IL17REL: variants seen among roughly 807,000 people sequenced by gnomAD.
The protein encoded by IL17REL is interleukin 17 receptor E like, also known as interleukin-17 receptor E-like protein.
In IL17REL, 36 loss-of-function variants were observed where a neutral mutation model predicts 49.0. That is an observed-to-expected ratio of 0.73 (90% CI 0.56 to 0.97). The LOEUF (loss-of-function observed/expected upper bound fraction) is 0.97. Ranked by LOEUF, IL17REL falls within the 50% of genes least tolerant of loss-of-function variation. The probability of loss-of-function intolerance (pLI) is 0.00; values close to 1 mark genes in which losing one functional copy is unlikely to be tolerated. For missense variants in IL17REL, 470 were observed against 453.9 expected, an observed-to-expected ratio of 1.04 and a Z score of -0.32; for synonymous variants, 206 against 192.4, an observed-to-expected ratio of 1.07 and a Z score of -0.58.
chr22:49,993,782 T>C (rs1386251720), downstream of IL17REL, among the ~76,000 whole-genome samples: 6 of 152,218 alleles, frequency 3.9e-5, no homozygotes, highest in Admixed American at 1.3e-4. This position sits in a 1 kb window ranked among gnomAD's most constrained non-coding sequence, Gnocchi z 6.0. Context: ...CAGCCCCACC[T>C]CCACGGTGGC....
intron 3 of IL17REL, 22 bp downstream of exon 4, chr22:50,000,732 C>T (rs2061073427): frequency 6.4e-7 from 1 of 1,564,018 alleles, no homozygotes; most frequent in Non-Finnish European, 8.7e-7. Context: ...ACTTGGGTGG[C>T]AGAGCCCTGC....
At chr22:50,004,378 A>C (rs2061096729) in intron 1 of IL17REL, among the ~76,000 whole-genome samples, 1 of 152,214 alleles carries the variant, frequency 6.6e-6, no homozygotes, top group South Asian at 2.1e-4. Flanking sequence ...AATAACTAGA[A>C]ATTGAAAATT....
chr22:49,994,591 A>G (rs60332599), exon 13 of IL17REL: 19,428 of 152,330 alleles, frequency 0.13, 1,644 homozygotes, highest in East Asian at 0.31. Flanking sequence ...TCTCCAGTCT[A>G]TGGGACATAG....
exon 12 of IL17REL, chr22:49,997,010 G>A: frequency 6.5e-7 from 1 of 1,535,696 alleles, no homozygotes; most frequent in South Asian, 1.2e-5. Context: ...GCAGATGCCT[G>A]GGGCACAGGC....
chr22:49,997,263 G>T, intron 11 of IL17REL, 57 bp downstream of exon 13: 1 of 1,541,082 alleles, frequency 6.5e-7, no homozygotes, highest in Non-Finnish European at 8.9e-7. Context: ...GAAGTGATGG[G>T]GTCCTGCCGC....
chr22:50,009,650 TG>T (rs2061128051), upstream of IL17REL, among the ~76,000 whole-genome samples: 1 of 17,082 alleles, frequency 5.9e-5, no homozygotes, highest in Admixed American at 5.7e-4. Flanking sequence ...GGGGTGGGGG[TG>T]GGGGTGGGGG....
chr22:50,001,897 T>G (rs1190485768), intron 1 of IL17REL, among the ~76,000 whole-genome samples: 1 of 152,154 alleles, frequency 6.6e-6, no homozygotes, highest in African/African-American at 2.4e-5. Context: ...ACCCTCTTTA[T>G]AGAAGGCATG....
At chr22:50,001,406 C>A (rs972894133) in intron 1 of IL17REL, among the ~76,000 whole-genome samples, 175 bp from the exon 3 acceptor site, 6 of 152,196 alleles carry the variant, frequency 3.9e-5, no homozygotes, top group Non-Finnish European at 8.8e-5. Flanking sequence ...TGAGCCCCCA[C>A]CCCGAGACAC....
At chr22:49,997,857 T>C (rs1040728318) in intron 9 of IL17REL, 115 bp from the exon 12 acceptor site, 22 of 1,374,234 alleles carry the variant, frequency 1.6e-5, no homozygotes, top group Non-Finnish European at 2.3e-5. Flanking sequence ...GGCCCAGTTC[T>C]CCTCCTTAGG....
intron 10 of IL17REL, chr22:49,997,447 C>T (rs374873423): frequency 1.9e-6 from 3 of 1,601,194 alleles, no homozygotes; most frequent in African/African-American, 2.7e-5. Context: ...CCGGAGGTGG[C>T]CCTTTGTGGG....
intron 1 of IL17REL, among the ~76,000 whole-genome samples, chr22:50,006,117 A>C (rs956295113): frequency 1.3e-5 from 2 of 152,048 alleles, no homozygotes; most frequent in African/African-American, 4.8e-5. Flanking sequence ...GCCCCAGCAC[A>C]TGGTGAGGAA....
At chr22:49,999,885 G>A in exon 5 of IL17REL, 1 of 1,544,972 alleles carries the variant, frequency 6.5e-7, no homozygotes, top group Non-Finnish European at 8.7e-7. Flanking sequence ...GCCGCAGGTA[G>A]TAGTCGGGGC....
At chr22:49,992,820 G>T (rs2061012726), downstream of IL17REL, among the ~76,000 whole-genome samples, 1 of 152,062 alleles carries the variant, frequency 6.6e-6, no homozygotes, top group Admixed American at 6.5e-5. Context: ...GTTTCCCCAT[G>T]TTGGCCAGGT....
intron 7 of IL17REL, 131 bp downstream of exon 9, chr22:49,999,160 T>C: frequency 8.9e-7 from 1 of 1,129,930 alleles, no homozygotes; most frequent in Non-Finnish European, 1.3e-6. Context: ...TGACAAGCCC[T>C]TCCGAGCAGG....
At chr22:50,004,153 A>C (rs2061095320) in intron 1 of IL17REL, among the ~76,000 whole-genome samples, 1 of 152,010 alleles carries the variant, frequency 6.6e-6, no homozygotes, top group African/African-American at 2.4e-5. Flanking sequence ...ATCTCGGCTC[A>C]CTGCAACCTC....
intron 1 of IL17REL, among the ~76,000 whole-genome samples, chr22:50,005,359 C>T (rs180856220): frequency 6.6e-6 from 1 of 152,160 alleles, no homozygotes; most frequent in Non-Finnish European, 1.5e-5. Flanking sequence ...AACAGATGTG[C>T]TTGCTTCAGG....
At chr22:50,001,003 G>A (rs1013602551) in intron 2 of IL17REL, 79 bp downstream of exon 3, 70 of 1,310,440 alleles carry the variant, frequency 5.3e-5, no homozygotes, top group Non-Finnish European at 7.1e-5. Flanking sequence ...GCCGCCCAAG[G>A]TTTGATGGGA....
chr22:50,011,477 C>G (rs1046446605), upstream of IL17REL, among the ~76,000 whole-genome samples: 2 of 152,154 alleles, frequency 1.3e-5, no homozygotes, highest in East Asian at 3.9e-4. Context: ...CCGCCTCCCC[C>G]CATGTCTCCC....
chr22:50,001,610 C>G (rs1223469265), intron 1 of IL17REL, among the ~76,000 whole-genome samples: 1 of 152,198 alleles, frequency 6.6e-6, no homozygotes, highest in Non-Finnish European at 1.5e-5. Context: ...CACGGGCTTG[C>G]TGGGACACCT....
Sources: allele counts gnomAD v4.1 joint callset (sites outside exome capture counted in the v4.1 genomes callset), GRCh38; gene constraint gnomAD v4.1.1; non-coding constraint Gnocchi (gnomAD v3.1); transcripts MANE v1.5; gene names NCBI Gene and HGNC (gene_info 2026-07-23, HGNC 2026-07-21).